The following SNX29 variants were observed in gnomAD, a reference collection of about 807,000 sequenced individuals.
SNX29 encodes sorting nexin 29, also known as sorting nexin-29.
In SNX29, 78 loss-of-function variants were observed where a neutral mutation model predicts 102.1. That is an observed-to-expected ratio of 0.76 (90% CI 0.64 to 0.92). The LOEUF (loss-of-function observed/expected upper bound fraction) is 0.92. Among genes scored for constraint, SNX29 ranks in the 40% least tolerant of loss-of-function variants. The pLI is 0.00. For missense variants in SNX29, 1,280 were observed against 1,061.7 expected, an observed-to-expected ratio of 1.21 and a Z score of -2.86; for synonymous variants, 580 against 414.5, an observed-to-expected ratio of 1.40 and a Z score of -4.85.
chr16:12,434,985 G>GGGT, intron 18 of SNX29, among the ~76,000 whole-genome samples: 2 of 149,806 alleles, frequency 1.3e-5, no homozygotes, highest in East Asian at 3.9e-4. Flanking sequence ...GGTGGGGGGG[G>GGGT]TTTGGTCATC....
At chr16:12,103,383 G>A (rs1247157962) in intron 11 of SNX29, among the ~76,000 whole-genome samples, 1 of 152,070 alleles carries the variant, frequency 6.6e-6, no homozygotes, top group Non-Finnish European at 1.5e-5. Context: ...CAGAACAGAG[G>A]CCTCAGAAAT....
At chr16:12,004,496 G>A (rs940197183) in intron 3 of SNX29, among the ~76,000 whole-genome samples, 2 of 152,156 alleles carry the variant, frequency 1.3e-5, no homozygotes, top group South Asian at 2.1e-4. Context: ...CTGCAAATGC[G>A]TTGTGAGCTC....
chr16:12,544,009 C>T (rs532566311), intron 20 of SNX29, among the ~76,000 whole-genome samples: 2 of 152,194 alleles, frequency 1.3e-5, no homozygotes, highest in African/African-American at 2.4e-5. Context: ...AATGCAAAAG[C>T]CCTGGACTCT....
intron 4 of SNX29, among the ~76,000 whole-genome samples, chr16:12,028,194 G>A (rs1034313432): frequency 6.6e-6 from 1 of 152,148 alleles, no homozygotes; most frequent in East Asian, 1.9e-4. Context: ...TGAGTAAAAT[G>A]TGCTGTCTTT....
chr16:12,034,675 T>C (rs558176946), intron 4 of SNX29, among the ~76,000 whole-genome samples: 68 of 152,286 alleles, frequency 4.5e-4, no homozygotes, highest in African/African-American at 1.6e-3. Context: ...GCTGGACTGA[T>C]ACCTATTGGC....
chr16:12,541,617 T>G (rs931773658), intron 20 of SNX29, among the ~76,000 whole-genome samples: 2 of 152,180 alleles, frequency 1.3e-5, no homozygotes, highest in Non-Finnish European at 2.9e-5. Context: ...GGGCCACATC[T>G]CTGTCGGGGT....
At chr16:12,331,233 G>A (rs961296599) in intron 15 of SNX29, among the ~76,000 whole-genome samples, 4 of 151,796 alleles carry the variant, frequency 2.6e-5, no homozygotes, top group Non-Finnish European at 5.9e-5. Flanking sequence ...TTCACTCCTA[G>A]AAACTCCTAC....
chr16:12,060,338 TC>T (rs1372722824), intron 8 of SNX29, among the ~76,000 whole-genome samples: 1 of 152,142 alleles, frequency 6.6e-6, no homozygotes, highest in Non-Finnish European at 1.5e-5. Context: ...ATGCCTGTAA[TC>T]CTAGCACTTG....
chr16:12,302,967 A>G (rs1380680041), intron 15 of SNX29, among the ~76,000 whole-genome samples: 1 of 152,232 alleles, frequency 6.6e-6, no homozygotes, highest in African/African-American at 2.4e-5. Flanking sequence ...ATAATTTTCA[A>G]GAAATGATGT....
In SNX29 at chr16:12,568,920, T is replaced by G. The variant is rs1171003741; in HGVS notation, c.*291T>G. On this transcript the variant is annotated 3_prime_UTR_variant, in exon 21 of 21. Coordinates refer to ENST00000566228, the MANE Select transcript of SNX29 (RefSeq NM_032167.5). The stretch of plus-strand genomic sequence containing the variant: ...CAAGGGCTGTTCCTCCACCTTTCTG[T>G]AGTTCAGGGCTGGCAGGAGGGTGGG... 9 of 432,032 alleles carry G rather than the reference T, an allele frequency of 2.1e-5. No homozygotes were observed. Among genetic ancestry groups the G allele is most frequent in the Non-Finnish European group, 2.5e-5 (6 of 243,242 alleles). 26.8% of individuals were successfully genotyped at this position (432,032 alleles called of 1,614,324 possible).
At chr16:12,011,244 G>T (rs564535757) in intron 3 of SNX29, among the ~76,000 whole-genome samples, 2 of 146,896 alleles carry the variant, frequency 1.4e-5, no homozygotes, top group Admixed American at 1.4e-4. Context: ...GGAACCTCCA[G>T]GACGTTTAAC....
intron 20 of SNX29, among the ~76,000 whole-genome samples, chr16:12,550,061 G>A (rs34945677): frequency 2.0e-5 from 3 of 152,070 alleles, no homozygotes; most frequent in Non-Finnish European, 4.4e-5. Context: ...AGTATGTTTA[G>A]TCTCACCCTT....
intron 18 of SNX29, among the ~76,000 whole-genome samples, chr16:12,464,065 T>C (rs909765648): frequency 6.6e-6 from 1 of 151,894 alleles, no homozygotes; most frequent in Non-Finnish European, 1.5e-5. Flanking sequence ...CTTCTATGAG[T>C]TTATCCATAG....
intron 13 of SNX29, among the ~76,000 whole-genome samples, chr16:12,197,585 C>CA (rs534799723): frequency 1.7e-3 from 262 of 152,120 alleles, no homozygotes; most frequent in Admixed American, 2.8e-3. Context: ...ACAAAAGAAA[C>CA]AAAAAAACAC....
intron 13 of SNX29, among the ~76,000 whole-genome samples, chr16:12,139,979 T>TA (rs144110763): frequency 3.2e-5 from 2 of 63,066 alleles, no homozygotes; most frequent in African/African-American, 1.3e-4. Flanking sequence ...ATACCCTGTC[T>TA]CAAAAAAAAA....
intron 15 of SNX29, among the ~76,000 whole-genome samples, chr16:12,332,951 G>A (rs886656625): frequency 5.9e-5 from 9 of 152,120 alleles, no homozygotes; most frequent in Admixed American, 3.3e-4. Flanking sequence ...TGCTCGTGCG[G>A]TTAGTGTGCA....
intron 11 of SNX29, among the ~76,000 whole-genome samples, chr16:12,102,106 T>C (rs1190258756): frequency 6.6e-6 from 1 of 152,252 alleles, no homozygotes; most frequent in Non-Finnish European, 1.5e-5. Context: ...TCATCCTTTT[T>C]TATGGCTGCA....
intron 18 of SNX29, among the ~76,000 whole-genome samples, chr16:12,433,811 G>A (rs890904508): frequency 6.6e-6 from 1 of 152,100 alleles, no homozygotes; most frequent in East Asian, 1.9e-4. Context: ...GCGACAGAGT[G>A]AGACCATGTC....
At chr16:12,539,602 C>T (rs11645654) in intron 20 of SNX29, among the ~76,000 whole-genome samples, 17,672 of 152,180 alleles carry the variant, frequency 0.12, 1,337 homozygotes, top group Non-Finnish European at 0.16. Context: ...CGGCAAATAC[C>T]TAAGAGTTGA....
Sources: gnomAD v4.1 joint callset for allele counts (sites outside exome capture counted in the v4.1 genomes callset) on GRCh38, gnomAD v4.1.1 for gene constraint, MANE v1.5 for transcripts, NCBI Gene and HGNC (gene_info 2026-07-23, HGNC 2026-07-21) for gene names.